The following MAP3K4 variants were observed in gnomAD, a reference collection of about 807,000 sequenced individuals.
The protein encoded by MAP3K4 is MAP three kinase 1.
MAP3K4 carries 67 observed loss-of-function variants against 185.6 expected under a neutral mutation model. The ratio of observed to expected loss-of-function variants is 0.36; its 90% CI spans 0.30 to 0.44. MAP3K4 has a LOEUF of 0.44. Ranked by LOEUF, MAP3K4 falls within the 20% of genes least tolerant of loss-of-function variation. MAP3K4 has a pLI of 1.00. For synonymous variants in MAP3K4, 702 were observed against 710.4 expected (o/e 0.99, Z 0.19); for missense variants, 1,551 against 1,995.1 (o/e 0.78, Z 4.24).
rs542619872 is a variant in MAP3K4 at position 161,071,683 on chromosome 6, G to T, written c.1950+833G>T. 2.0e-5 allele frequency among the ~76,000 whole-genome samples: 3 copies of T among 152,278 alleles called. No homozygotes were observed. The East Asian group carries it at 5.8e-4, about 29-fold the overall frequency. The stretch of plus-strand genomic sequence containing the variant: ...GAGTAGAATAGAATGACTAATGAAA[G>T]TCATTTGGAGATTGTCCCCTGCATC... On this transcript the variant is annotated intron_variant, in intron 4 of 26. Coordinates refer to ENST00000392142, the MANE Select transcript of MAP3K4 (RefSeq NM_005922.4). The surrounding 1 kb of genome is among the most constrained non-coding windows in gnomAD (Gnocchi z 4.6).
intron 19 of MAP3K4, among the ~76,000 whole-genome samples, chr6:161,104,739 A>AT (rs57696608): frequency 6.6e-6 from 1 of 150,862 alleles, no homozygotes; most frequent in Non-Finnish European, 1.5e-5. Flanking sequence ...ATCTTGAGAA[A>AT]TTTTTTTTTA....
intron 23 of MAP3K4, among the ~76,000 whole-genome samples, chr6:161,111,020 T>G (rs2114918692): frequency 6.6e-6 from 1 of 152,310 alleles, no homozygotes; most frequent in South Asian, 2.1e-4. Context: ...GCTTTCTAGT[T>G]CAGCATGGCT....
Position 161,048,579 on chromosome 6 carries a change from A to G in MAP3K4, c.344-37A>G, listed in dbSNP as rs182525617. 1.2e-4 allele frequency: 161 copies of G among 1,320,278 alleles called. No homozygotes were observed. The East Asian group carries it at 3.9e-3, about 32-fold the overall frequency. 81.8% of individuals were successfully genotyped at this position (1,320,278 alleles called of 1,614,324 possible). A position where few individuals can be genotyped will look rare whatever the true frequency, so the allele number is the denominator to read the frequency against. ...TATTGAGAGTAGCTTCATATTTTAG[A>G]GTTATATAATGTTCTGTTTATTTTT... On this transcript the variant is annotated intron_variant, in intron 2 of 26. Coordinates refer to ENST00000392142, the MANE Select transcript of MAP3K4 (RefSeq NM_005922.4). The surrounding 1 kb of genome is among the most constrained non-coding windows in gnomAD (Gnocchi z 4.7).
rs1783214885 is a variant in MAP3K4, at chr6:161,037,310, A to G, written c.343+2861A>G. 6.6e-6 allele frequency among the ~76,000 whole-genome samples: 1 copy of G among 152,184 alleles called. No individual in the cohort carries two copies. The highest frequency in any genetic ancestry group is 1.5e-5 in the Non-Finnish European group (1 of 68,042). ...GTCCTGGTTCCGCTATCTTCTGCGT[A>G]TGCAGCCTCCATATCTCGTTTCTCT... On this transcript the variant is annotated intron_variant, in intron 2 of 26. Transcript: ENST00000392142. The surrounding 1 kb of genome is among the most constrained non-coding windows in gnomAD (Gnocchi z 4.2).
In MAP3K4 at chr6:161,067,047, C is replaced by T. The variant is rs1784742992; in HGVS notation, c.1708-3561C>T. On this transcript the variant is annotated intron_variant, in intron 3 of 26. Transcript: ENST00000392142. This position sits in a 1 kb window ranked among gnomAD's most constrained non-coding sequence, Gnocchi z 6.3. ...AGCCTTTACTTACACATACCTTAAGCTGTTAACCCTGAATATCTGAGACAG... is the reference window on the plus strand; with the variant it reads ...AGCCTTTACTTACACATACCTTAAGTTGTTAACCCTGAATATCTGAGACAG... 6.6e-6 allele frequency among the ~76,000 whole-genome samples: 1 copy of T among 152,166 alleles called. No individual in the cohort carries two copies. The highest frequency in any genetic ancestry group is 1.5e-5 in the Non-Finnish European group (1 of 68,028).
rs190997894 is a variant in MAP3K4 at position 161,117,044 on chromosome 6, G to A, written c.*174G>A. ...TCCTGTTTGTCTGATGTGGCAAAAG[G>A]CCCTCTGGAGGGCTGGTGGCCACGA... is the stretch of plus-strand genomic sequence containing the variant. On this transcript the variant is annotated 3_prime_UTR_variant, in exon 27 of 27. Coordinates refer to ENST00000392142, the MANE Select transcript of MAP3K4 (RefSeq NM_005922.4). 5 of 637,026 alleles carry A rather than the reference G, an allele frequency of 7.8e-6. No homozygotes were observed. Among genetic ancestry groups the A allele is most frequent in the Middle Eastern group, 2.6e-4 (1 of 3,886 alleles). 39.5% of individuals were successfully genotyped at this position (637,026 alleles called of 1,614,324 possible).
At chr6:161,045,824 G>C (rs1017289454) in intron 2 of MAP3K4, among the ~76,000 whole-genome samples, 2 of 152,126 alleles carry the variant, frequency 1.3e-5, no homozygotes, top group African/African-American at 4.8e-5. Context: ...GAGCCAACAA[G>C]ATTGTTTTTT....
At position 161,075,304 on chromosome 6, in the gene MAP3K4, G is replaced by A. The variant is rs182985649; in HGVS notation, c.2097+1692G>A. Among the ~76,000 whole-genome samples the A allele has an allele frequency of 2.4e-4, 37 of 152,176 alleles. 1 individual carries two copies. Among genetic ancestry groups the A allele is most frequent in the Admixed American group, 1.2e-3 (19 of 15,278 alleles). On this transcript the variant is annotated intron_variant, in intron 5 of 26. Coordinates refer to ENST00000392142, the MANE Select transcript of MAP3K4 (RefSeq NM_005922.4). This position sits in a 1 kb window ranked among gnomAD's most constrained non-coding sequence, Gnocchi z 4.3. ...CTAATAACTGGGACCACAGGCGTGT[G>A]CCACCACACCTGGCTAATTTTTAAA... is the stretch of plus-strand genomic sequence containing the variant.
rs1784742155 is a variant in MAP3K4 at position 161,067,026 on chromosome 6, T to C, written c.1708-3582T>C. 6.6e-6 allele frequency among the ~76,000 whole-genome samples: 1 copy of C among 152,324 alleles called. No homozygotes were observed. Among genetic ancestry groups the C allele is most frequent in the East Asian group, 1.9e-4 (1 of 5,180 alleles). Reference sequence around the variant, plus strand: ...GGAAGCATTTACAGCGTCTAAAGCCTTTACTTACACATACCTTAAGCTGTT... The same window carrying C: ...GGAAGCATTTACAGCGTCTAAAGCCCTTACTTACACATACCTTAAGCTGTT... On this transcript the variant is annotated intron_variant, in intron 3 of 26. Transcript: ENST00000392142. This position sits in a 1 kb window ranked among gnomAD's most constrained non-coding sequence, Gnocchi z 6.3.
In MAP3K4 at chr6:161,054,240, T is replaced by TA. The variant is rs1784135757; in HGVS notation, c.1707+4261_1707+4262insA. ...CGCTATCTCAGCTCCCTGAGACCTT[T>TA]GCCTTGGGGGTTCAGGCTATTCTCC... is the stretch of plus-strand genomic sequence containing the variant. On this transcript the variant is annotated intron_variant, in intron 3 of 26. Transcript: ENST00000392142. This position sits in a 1 kb window ranked among gnomAD's most constrained non-coding sequence, Gnocchi z 4.2. Among the ~76,000 whole-genome samples the TA allele has an allele frequency of 6.6e-6, 1 of 152,010 alleles. No homozygotes were observed. The highest frequency in any genetic ancestry group is 2.1e-4 in the South Asian group (1 of 4,822).
chr6:161,092,734 A>T (rs978926253), intron 13 of MAP3K4, among the ~76,000 whole-genome samples: 1 of 152,226 alleles, frequency 6.6e-6, no homozygotes, highest in African/African-American at 2.4e-5. Flanking sequence ...TGAATTACAG[A>T]TGGCACCTAT....
chr6:161,049,702 C>T lies in MAP3K4; in HGVS notation c.1430C>T (p.Pro477Leu), dbSNP rs766085348. The change falls in exon 3 of 27, where the codon CCC becomes CTC. Residue 477 changes from proline to leucine, a missense_variant. Pro to Leu is a moderately conservative substitution (Grantham distance 98). Around this residue, in one of 16 missense-constraint regions of MAP3K4, gnomAD observed 126 missense variants for 112.8 expected, o/e 1.12. Coordinates refer to ENST00000392142, the MANE Select transcript of MAP3K4 (RefSeq NM_005922.4). This position sits in a 1 kb window ranked among gnomAD's most constrained non-coding sequence, Gnocchi z 8.4. ...CCTAGGGTACCGGAAATCAGACAGCCCATAGATAACAGCTTCGACATCCAG... is the reference window on the plus strand; with the variant it reads ...CCTAGGGTACCGGAAATCAGACAGCTCATAGATAACAGCTTCGACATCCAG... ...SDPRVPEIRQPIDNSFDIQSR... is the reference protein window; with the variant it reads ...SDPRVPEIRQLIDNSFDIQSR... 6.2e-7 allele frequency: 1 copy of T among 1,614,052 alleles called. No homozygotes were observed. The highest frequency in any genetic ancestry group is 8.5e-7 in the Non-Finnish European group (1 of 1,179,992).
At chr6:161,072,309 A>C (rs1192512441) in intron 4 of MAP3K4, among the ~76,000 whole-genome samples, 4 of 152,248 alleles carry the variant, frequency 2.6e-5, no homozygotes, top group African/African-American at 9.6e-5. Context: ...AAAATCAAAA[A>C]TAATTGTAAA....
chr6:161,045,161 CTAAGATGTATGAATTTATATT>C (rs1783669017), intron 2 of MAP3K4, among the ~76,000 whole-genome samples: 2 of 152,044 alleles, frequency 1.3e-5, no homozygotes, highest in African/African-American at 4.8e-5. Context: ...ATTATTTAAA[CTAAGATGTATGAATTTATATT>C]TTGTGTATAT....
At position 161,098,541 on chromosome 6, in the gene MAP3K4, G is replaced by A; in HGVS notation, c.3674+114G>A. On this transcript the variant is annotated intron_variant, in intron 17 of 26. Transcript: ENST00000392142. The surrounding 1 kb of genome is among the most constrained non-coding windows in gnomAD (Gnocchi z 4.4). ...TGGTTGGGCTTCTTTGCTGTGGCGT[G>A]TGAGTGATGCTCTAGGGCCTTCCGC... The A allele has an allele frequency of 7.7e-7, 1 of 1,305,994 alleles. No individual in the cohort carries two copies. The highest frequency in any genetic ancestry group is 1.5e-5 in the South Asian group (1 of 65,108). The allele number at this position is 1,305,994 out of a possible 1,614,324, so 80.9% of individuals were successfully genotyped here.
In MAP3K4 at chr6:161,048,801, A is replaced by G; in HGVS notation, c.529A>G (p.Lys177Glu). 1 of 1,614,158 alleles carries G rather than the reference A, an allele frequency of 6.2e-7. No homozygotes were observed. The highest frequency in any genetic ancestry group is 8.5e-7 in the Non-Finnish European group (1 of 1,180,030). Residue 177 changes from lysine to glutamate, a missense_variant, in exon 3 of 27, where the codon AAA becomes GAA. Lys to Glu is a moderately conservative substitution (Grantham distance 56, BLOSUM62 1). Coordinates refer to ENST00000392142, the MANE Select transcript of MAP3K4 (RefSeq NM_005922.4). This position sits in a 1 kb window ranked among gnomAD's most constrained non-coding sequence, Gnocchi z 4.7. ...CTCAGTGGGTGGATCTTTGCCAAAA[A>G]AATCAATTCCAGATGTGGATCTCAA... Reference protein sequence around the residue: ...LDSVGGSLPKKSIPDVDLNKP... With the variant: ...LDSVGGSLPKESIPDVDLNKP...
rs1388447527 is a variant in MAP3K4 at position 161,116,997 on chromosome 6, C to T, written c.*127C>T. ...CCAAGACTGAAGACTGCACAGGTGACAAGCGTCACTTCTCCTGCTGCTCCT... is the reference window on the plus strand; with the variant it reads ...CCAAGACTGAAGACTGCACAGGTGATAAGCGTCACTTCTCCTGCTGCTCCT... On this transcript the variant is annotated 3_prime_UTR_variant, in exon 27 of 27. Transcript: ENST00000392142. The surrounding 1 kb of genome is among the most constrained non-coding windows in gnomAD (Gnocchi z 6.2). 3.1e-5 allele frequency: 26 copies of T among 835,188 alleles called. No homozygotes were observed. The highest frequency in any genetic ancestry group is 4.5e-5 in the Non-Finnish European group (23 of 516,654). 51.7% of individuals were successfully genotyped at this position (835,188 alleles called of 1,614,324 possible). A position where few individuals can be genotyped will look rare whatever the true frequency, so the allele number is the denominator to read the frequency against.
At position 161,117,272 on chromosome 6, in the gene MAP3K4, T is replaced by G. The variant is rs538045159; in HGVS notation, c.*402T>G. ...TGTTGAGTGCACTGACTGTGAAACC[T>G]TTACCTTTTTTGTTGTTGTTGGCAA... On this transcript the variant is annotated 3_prime_UTR_variant, in exon 27 of 27. Transcript: ENST00000392142. 1 of 173,724 alleles carries G rather than the reference T, an allele frequency of 5.8e-6. No homozygotes were observed. Among genetic ancestry groups the G allele is most frequent in the East Asian group, 1.6e-4 (1 of 6,330 alleles). The allele number at this position is 173,724 out of a possible 1,614,324, so 10.8% of individuals were successfully genotyped here.
rs1440937929 is a variant in MAP3K4 at position 161,112,700 on chromosome 6, A to G, written c.4552A>G (p.Lys1518Glu). The change falls in exon 25 of 27, where the codon AAA (lysine) becomes GAA (glutamate). Residue 1518 changes from lysine (K) to glutamate (E), a missense_variant. Lys to Glu is a moderately conservative substitution (Grantham distance 56). Transcript: ENST00000392142. This position sits in a 1 kb window ranked among gnomAD's most constrained non-coding sequence, Gnocchi z 5.1. The stretch of plus-strand genomic sequence containing the variant: ...GGCACCTGAAGTCATCACTCGTGCC[A>G]AAGGAGAGGGCCATGGGCGTGCGGC... ...YMAPEVITRA[K>E]GEGHGRAADI... 6.2e-7 allele frequency: 1 copy of G among 1,604,648 alleles called. No individual in the cohort carries two copies. Among genetic ancestry groups the G allele is most frequent in the Non-Finnish European group, 8.5e-7 (1 of 1,176,756 alleles).
Sources: allele counts gnomAD v4.1 joint callset (sites outside exome capture counted in the v4.1 genomes callset), GRCh38; gene constraint gnomAD v4.1.1; regional missense constraint gnomAD v4.1.1; non-coding constraint Gnocchi (gnomAD v3.1); transcripts MANE v1.5; gene names NCBI Gene and HGNC (gene_info 2026-07-23, HGNC 2026-07-21).